RTTN: variants seen among roughly 807,000 people sequenced by gnomAD.
RTTN encodes rotatin.
RTTN carries 182 observed loss-of-function variants against 269.2 expected under a neutral mutation model. That is an observed-to-expected ratio of 0.68 (90% CI 0.60 to 0.76). The LOEUF is 0.76. Ranked by LOEUF, RTTN falls within the 30% of genes least tolerant of loss-of-function variation. RTTN has a pLI of 0.00. For missense variants in RTTN, 2,545 were observed against 2,608.6 expected, an observed-to-expected ratio of 0.98 and a Z score of 0.53; for synonymous variants, 1,006 against 963.5, an observed-to-expected ratio of 1.04 and a Z score of -0.82.
intron 23 of RTTN, chr18:70,131,696 A>G (rs112006115): frequency 6.6e-6 from 1 of 151,836 alleles, no homozygotes; most frequent in Non-Finnish European, 1.5e-5. Flanking sequence ...ATAAATAAAT[A>G]AAATACTTAA....
intron 14 of RTTN, among the ~76,000 whole-genome samples, chr18:70,154,165 T>A (rs1406649059): frequency 6.6e-6 from 1 of 152,046 alleles, no homozygotes; most frequent in African/African-American, 2.4e-5. Context: ...TTCAGTGCAT[T>A]TTTTTTAAAA....
intron 18 of RTTN, among the ~76,000 whole-genome samples, chr18:70,144,275 G>C (rs2060332852): frequency 6.6e-6 from 1 of 152,162 alleles, no homozygotes; most frequent in East Asian, 1.9e-4. Flanking sequence ...AGGCTAACCT[G>C]AGAAAAGCGA....
At chr18:70,101,330 T>C (rs1352172033) in intron 28 of RTTN, among the ~76,000 whole-genome samples, 1 of 152,220 alleles carries the variant, frequency 6.6e-6, no homozygotes, top group African/African-American at 2.4e-5. Context: ...CAGAAATTTA[T>C]CCATTTCTTC....
intron 25 of RTTN, among the ~76,000 whole-genome samples, chr18:70,122,559 C>G (rs111740555): frequency 1.2e-4 from 19 of 152,036 alleles, no homozygotes; most frequent in Admixed American, 6.6e-5. Flanking sequence ...GAAGTAGGCA[C>G]CTCTATTTCA....
intron 23 of RTTN, chr18:70,129,898 A>T (rs1233148583): frequency 6.7e-6 from 1 of 150,244 alleles, no homozygotes; most frequent in East Asian, 2.0e-4. Flanking sequence ...TTAACCATCA[A>T]AATATATAAG....
Position 70,127,510 on chromosome 18 carries a change from T to TG in RTTN, c.3374dup (p.Leu1126ThrfsTer13), listed in dbSNP as rs1301376578. 1 of 1,613,204 alleles carries TG rather than the reference T, an allele frequency of 6.2e-7. No homozygotes were observed. Among genetic ancestry groups the TG allele is most frequent in the African/African-American group, 1.3e-5 (1 of 74,882 alleles). On this transcript the variant is annotated frameshift_variant, in exon 25 of 49. Coordinates refer to ENST00000640769, the MANE Select transcript of RTTN (RefSeq NM_173630.4). LOFTEE classifies it high-confidence loss of function. Reference sequence around the variant, plus strand: ...CTTGACCTTACACTGACCTGTTTAGTGCGGTGTGCCAAGCCAAGGACTTCA... The same window carrying TG: ...CTTGACCTTACACTGACCTGTTTAGTGGCGGTGTGCCAAGCCAAGGACTTCA...
chr18:70,030,488 G>A (rs1312462175), intron 41 of RTTN, among the ~76,000 whole-genome samples: 1 of 152,232 alleles, frequency 6.6e-6, no homozygotes, highest in African/African-American at 2.4e-5. Context: ...AAATTTATAC[G>A]AAAATATGGA....
intron 34 of RTTN, among the ~76,000 whole-genome samples, chr18:70,073,415 C>T (rs901850203): frequency 1.3e-5 from 2 of 152,140 alleles, no homozygotes; most frequent in African/African-American, 4.8e-5. Flanking sequence ...GTCAGCACCA[C>T]ACTAGAATCA....
At position 70,190,565 on chromosome 18, in the gene RTTN, C is replaced by T. The variant is rs762324385; in HGVS notation, c.1162G>A (p.Glu388Lys). The part of the protein sequence containing the change: ...SLPQFCVSIL[E>K]SAVPLLRTGS... ...GTTCTTAAGAGAGGAACAGCTGATTCCAGAATGGAGACACAAAACTGGGGA... is the reference window on the plus strand; with the variant it reads ...GTTCTTAAGAGAGGAACAGCTGATTTCAGAATGGAGACACAAAACTGGGGA... Residue 388 changes from glutamate (E) to lysine (K), a missense_variant, in exon 9 of 49, where the codon GAA (glutamate) becomes AAA (lysine). Glu to Lys is a moderately conservative substitution (Grantham distance 56). Transcript: ENST00000640769. 1.9e-6 allele frequency: 3 copies of T among 1,613,504 alleles called. No individual in the cohort carries two copies. In the African/African-American group the frequency reaches 4.0e-5, roughly 22 times the overall value.
At chr18:70,117,857 A>G (rs2059638943) in intron 26 of RTTN, among the ~76,000 whole-genome samples, 1 of 151,972 alleles carries the variant, frequency 6.6e-6, no homozygotes, top group African/African-American at 2.4e-5. Flanking sequence ...ATATACATAA[A>G]AATTAAGCAA....
chr18:70,035,458 G>T (rs1413753943), intron 40 of RTTN, among the ~76,000 whole-genome samples: 2 of 152,044 alleles, frequency 1.3e-5, no homozygotes, highest in Non-Finnish European at 2.9e-5. Flanking sequence ...CAAACAATGG[G>T]GAAAGAACTC....
At chr18:70,117,060 G>C (rs143236811) in intron 26 of RTTN, among the ~76,000 whole-genome samples, 1 of 152,204 alleles carries the variant, frequency 6.6e-6, no homozygotes, top group African/African-American at 2.4e-5. Context: ...ATAAGTGAAT[G>C]TCTTGATAAA....
chr18:70,076,975 A>T lies in RTTN; in HGVS notation c.4375-1434T>A, dbSNP rs1055443614. ...TTTTAAGCAAGTTATAACATACTTA[A>T]ACGTACAAAACACGCCAAACACCCA... On this transcript the variant is annotated intron_variant, in intron 32 of 48. Coordinates refer to ENST00000640769, the MANE Select transcript of RTTN (RefSeq NM_173630.4). Among the ~76,000 whole-genome samples the T allele has an allele frequency of 4.6e-5, 7 of 151,920 alleles. No homozygotes were observed. In the South Asian group the frequency reaches 1.5e-3, roughly 31 times the overall value.
chr18:70,066,804 T>G (rs547537169), intron 34 of RTTN, among the ~76,000 whole-genome samples: 2 of 152,318 alleles, frequency 1.3e-5, no homozygotes, highest in East Asian at 3.9e-4. Context: ...TTAGAGTACC[T>G]TAGAATTACC....
At chr18:70,197,509 C>T (rs1275766956) in intron 6 of RTTN, 115 bp downstream of exon 6, 2 of 698,058 alleles carry the variant, frequency 2.9e-6, no homozygotes, top group Non-Finnish European at 5.2e-6. Flanking sequence ...AAATACTTCA[C>T]TTTTTAAAAA....
At chr18:70,096,116 G>A (rs867424136) in intron 28 of RTTN, among the ~76,000 whole-genome samples, 1 of 151,518 alleles carries the variant, frequency 6.6e-6, no homozygotes, top group South Asian at 2.1e-4. Context: ...TATGTGTCAC[G>A]AAGTTCTGGT....
chr18:70,162,734 A>AC (rs1412396003), intron 14 of RTTN, among the ~76,000 whole-genome samples: 1 of 151,844 alleles, frequency 6.6e-6, no homozygotes, highest in Non-Finnish European at 1.5e-5. Context: ...ACAAAGACAA[A>AC]CCATATCAGA....
In RTTN at chr18:70,141,197, T is replaced by A. The variant is rs545126816; in HGVS notation, c.2582-1009A>T. 5.5e-4 allele frequency among the ~76,000 whole-genome samples: 84 copies of A among 152,234 alleles called. 1 individual carries two copies. The South Asian group carries it at 0.017, about 31-fold the overall frequency. ...TGTGGAATATGTTTTTTCAAATAAC[T>A]CTCTCATTCCAGTTTCCACTAATGT... On this transcript the variant is annotated intron_variant, in intron 19 of 48. Coordinates refer to ENST00000640769, the MANE Select transcript of RTTN (RefSeq NM_173630.4).
intron 36 of RTTN, among the ~76,000 whole-genome samples, chr18:70,058,950 G>A (rs1231750264): frequency 6.6e-6 from 1 of 152,166 alleles, no homozygotes; most frequent in African/African-American, 2.4e-5. Context: ...ATCCCAGAAA[G>A]AAAGAGAAGA....
Sources: allele counts gnomAD v4.1 joint callset (sites outside exome capture counted in the v4.1 genomes callset), GRCh38; gene constraint gnomAD v4.1.1; transcripts MANE v1.5; gene names NCBI Gene and HGNC (gene_info 2026-07-23, HGNC 2026-07-21).